CACNA2D1: variants seen among roughly 807,000 people sequenced by gnomAD.
CACNA2D1 encodes the protein calcium voltage-gated channel auxiliary subunit alpha2delta 1, also known as voltage-dependent calcium channel subunit alpha-2/delta-1.
CACNA2D1 carries 53 observed loss-of-function variants against 171.5 expected under a neutral mutation model. The observed-to-expected ratio is 0.31, with a 90% CI of 0.25 to 0.39. The LOEUF is 0.39. Among genes scored for constraint, CACNA2D1 ranks in the 10% least tolerant of loss-of-function variants. CACNA2D1 has a pLI of 1.00. For synonymous variants in CACNA2D1, 442 were observed against 443.1 expected (o/e 1.00, Z 0.03); for missense variants, 903 against 1,299.8 (o/e 0.69, Z 4.69).
chr7:82,321,965 A>C (rs1815965274), intron 3 of CACNA2D1, among the ~76,000 whole-genome samples: 1 of 150,772 alleles, frequency 6.6e-6, no homozygotes, highest in Admixed American at 6.6e-5. Flanking sequence ...TCTCTACTAA[A>C]AATACAAAAA....
rs1242716387 is a variant in CACNA2D1, at chr7:81,947,298, A to AACTT, written c.*3090_*3093dup. On this transcript the variant is annotated 3_prime_UTR_variant, in exon 39 of 39. Transcript: ENST00000356860. ...GTTAATAAAAGGAATATTATAGGAA[A>AACTT]ACTTACAAATGGCAGGAACACTGTT... 13 of 151,864 alleles carry AACTT rather than the reference A, an allele frequency of 8.6e-5. No individual in the cohort carries two copies. Among genetic ancestry groups the AACTT allele is most frequent in the Admixed American group, 5.3e-4 (8 of 15,234 alleles). 9.4% of individuals were successfully genotyped at this position (151,864 alleles called of 1,614,324 possible). A position where few individuals can be genotyped will look rare whatever the true frequency, so the allele number is the denominator to read the frequency against.
chr7:82,204,595 C>T (rs926348039), intron 3 of CACNA2D1, among the ~76,000 whole-genome samples: 3 of 152,132 alleles, frequency 2.0e-5, no homozygotes, highest in African/African-American at 7.2e-5. Context: ...TCCAGGATTC[C>T]ACCCTGTGGG....
intron 3 of CACNA2D1, among the ~76,000 whole-genome samples, chr7:82,296,563 C>A (rs1161197246): frequency 1.3e-5 from 2 of 152,132 alleles, no homozygotes; most frequent in Non-Finnish European, 2.9e-5. Context: ...AGTTGTATGT[C>A]TCCTTTTAAA....
chr7:82,232,373 T>C lies in CACNA2D1; in HGVS notation c.295-61764A>G, dbSNP rs73705885. On this transcript the variant is annotated intron_variant, in intron 3 of 38. Transcript: ENST00000356860. ...ACAAATGTTCGCCTTTTTGTACTGCTGGCAAGTCAGAAAAATCATCCATTT... is the reference window on the plus strand; with the variant it reads ...ACAAATGTTCGCCTTTTTGTACTGCCGGCAAGTCAGAAAAATCATCCATTT... 6.7e-3 allele frequency among the ~76,000 whole-genome samples: 1,021 copies of C among 152,260 alleles called. 6 individuals carry two copies. Among genetic ancestry groups the C allele is most frequent in the African/African-American group, 0.022 (928 of 41,560 alleles).
intron 15 of CACNA2D1, chr7:82,009,147 G>C (rs1305825146): frequency 2.0e-5 from 3 of 151,896 alleles, no homozygotes; most frequent in African/African-American, 7.3e-5. Context: ...AGGTCTGATG[G>C]TTTTTAAGTG....
intron 3 of CACNA2D1, among the ~76,000 whole-genome samples, chr7:82,208,722 G>C (rs1405679086): frequency 6.6e-6 from 1 of 152,044 alleles, no homozygotes; most frequent in South Asian, 2.1e-4. Context: ...AAAAGCCCCA[G>C]TACACAACGT....
intron 3 of CACNA2D1, among the ~76,000 whole-genome samples, chr7:82,255,395 A>T (rs1217070759): frequency 6.6e-6 from 1 of 152,214 alleles, no homozygotes; most frequent in Non-Finnish European, 1.5e-5. Flanking sequence ...GTATCCCCAG[A>T]GTACATAATA....
At position 81,983,281 on chromosome 7, in the gene CACNA2D1, CAGAA is replaced by C. The variant is rs779851567; in HGVS notation, c.1894+29_1894+32del. On this transcript the variant is annotated intron_variant, in intron 23 of 38. Coordinates refer to ENST00000356860, the MANE Select transcript of CACNA2D1 (RefSeq NM_000722.4). Reference sequence around the variant, plus strand: ...CAGTGGAAATGTCAAGTGTACTAAACAGAAAGAAGTTGAGCAACAAGAAAATACT... The same window carrying C: ...CAGTGGAAATGTCAAGTGTACTAAACAGAAGTTGAGCAACAAGAAAATACT... The C allele has an allele frequency of 1.7e-5, 26 of 1,575,240 alleles. No individual in the cohort carries two copies. The African/African-American group carries it at 2.2e-4, about 13-fold the overall frequency.
At chr7:82,040,403 A>T (rs1013666439) in intron 10 of CACNA2D1, among the ~76,000 whole-genome samples, 2 of 150,394 alleles carry the variant, frequency 1.3e-5, no homozygotes, top group Admixed American at 1.3e-4. Flanking sequence ...AAGAAATGAT[A>T]ACATTTAAAG....
rs113801206 is a variant in CACNA2D1 at position 82,324,308 on chromosome 7, A to G, written c.294+10827T>C. 5.9e-3 allele frequency among the ~76,000 whole-genome samples: 896 copies of G among 151,570 alleles called. 10 individuals carry two copies. The highest frequency in any genetic ancestry group is 0.053 in the South Asian group (252 of 4,770). ...GGGAGGTGGAGTTTGCAGTGAGCCA[A>G]GATCGCGCCATTACACTCCAGCCTG... is the stretch of plus-strand genomic sequence containing the variant. On this transcript the variant is annotated intron_variant, in intron 3 of 38. Coordinates refer to ENST00000356860, the MANE Select transcript of CACNA2D1 (RefSeq NM_000722.4).
intron 4 of CACNA2D1, among the ~76,000 whole-genome samples, chr7:82,161,345 C>T (rs1480215337): frequency 6.6e-6 from 1 of 151,966 alleles, no homozygotes; most frequent in Non-Finnish European, 1.5e-5. Flanking sequence ...TGTACTGAAC[C>T]TCATTATTAG....
At chr7:82,403,920 C>T (rs1453033119) in intron 1 of CACNA2D1, among the ~76,000 whole-genome samples, 1 of 152,144 alleles carries the variant, frequency 6.6e-6, no homozygotes, top group Non-Finnish European at 1.5e-5. Context: ...CAATATCATC[C>T]AAATCCAACT....
chr7:82,075,163 G>A (rs1808808737), intron 7 of CACNA2D1, among the ~76,000 whole-genome samples: 1 of 151,040 alleles, frequency 6.6e-6, no homozygotes, highest in Non-Finnish European at 1.5e-5. Flanking sequence ...ATAAACAATA[G>A]GCAGAAACCC....
chr7:82,408,107 G>A (rs988403017), intron 1 of CACNA2D1, among the ~76,000 whole-genome samples: 8 of 148,576 alleles, frequency 5.4e-5, no homozygotes, highest in African/African-American at 1.7e-4. Context: ...TGCAACCTCC[G>A]CCTCCCAGGT....
chr7:82,142,179 G>A (rs1792474154), intron 4 of CACNA2D1, among the ~76,000 whole-genome samples: 1 of 152,120 alleles, frequency 6.6e-6, no homozygotes, highest in Non-Finnish European at 1.5e-5. Context: ...GCCACCAGAT[G>A]ACAAGAACAA....
At chr7:82,008,074 C>T (rs938113311) in intron 15 of CACNA2D1, among the ~76,000 whole-genome samples, 1 of 152,046 alleles carries the variant, frequency 6.6e-6, no homozygotes, top group Admixed American at 6.6e-5. Context: ...GTGTCCTCCC[C>T]CTTTTTCATA....
chr7:81,962,517 AAAAT>A (rs1235813784), intron 34 of CACNA2D1, 22 bp from the exon 35 acceptor site: 1 of 1,501,282 alleles, frequency 6.7e-7, no homozygotes, highest in Non-Finnish European at 9.1e-7. Context: ...AAATAAAAAA[AAAAT>A]AAACATCTAG....
intron 32 of CACNA2D1, among the ~76,000 whole-genome samples, chr7:81,964,783 AG>A (rs1794526400): frequency 6.6e-6 from 1 of 151,910 alleles, no homozygotes; most frequent in Non-Finnish European, 1.5e-5. Context: ...AAATTTGATG[AG>A]AGTAGATTTT....
At chr7:82,016,612 C>T (rs935982246) in intron 12 of CACNA2D1, among the ~76,000 whole-genome samples, 1 of 6,196 alleles carries the variant, frequency 1.6e-4, no homozygotes, top group Non-Finnish European at 8.3e-4. Context: ...AGCCGCCCGC[C>T]CCCCCCCCCC....
Sources: allele counts gnomAD v4.1 joint callset (sites outside exome capture counted in the v4.1 genomes callset), GRCh38; gene constraint gnomAD v4.1.1; transcripts MANE v1.5; gene names NCBI Gene and HGNC (gene_info 2026-07-23, HGNC 2026-07-21).